Variants in HECW2 observed in about 807,000 individuals in gnomAD.
HECW2 encodes E3 ubiquitin-protein ligase HECW2.
Under a neutral mutation model 175.2 loss-of-function variants are expected in HECW2, and 61 were observed. That is an observed-to-expected ratio of 0.35 (90% CI 0.28 to 0.43). HECW2 has a LOEUF of 0.43. Among genes scored for constraint, HECW2 ranks in the 20% least tolerant of loss-of-function variants. The probability of loss-of-function intolerance (pLI) is 1.00; values close to 1 mark genes in which losing one functional copy is unlikely to be tolerated. For synonymous variants in HECW2, 671 were observed against 731.0 expected (o/e 0.92, Z 1.32); for missense variants, 1,524 against 2,000.5 (o/e 0.76, Z 4.54).
chr2:196,583,642 C>A (rs570753380), intron 1 of HECW2, among the ~76,000 whole-genome samples: 1 of 152,288 alleles, frequency 6.6e-6, no homozygotes, highest in South Asian at 2.1e-4. Flanking sequence ...CAAGACTTGA[C>A]TTTCTGACAT....
chr2:196,309,167 T>C (rs1691384992), intron 10 of HECW2, among the ~76,000 whole-genome samples: 1 of 152,148 alleles, frequency 6.6e-6, no homozygotes, highest in East Asian at 1.9e-4. Flanking sequence ...AGGGTAAGTA[T>C]CCCAACAGAG....
chr2:196,435,252 C>T (rs1695836008), intron 1 of HECW2, among the ~76,000 whole-genome samples: 1 of 152,168 alleles, frequency 6.6e-6, no homozygotes, highest in Admixed American at 6.5e-5. Flanking sequence ...TCTATGGTAA[C>T]TCTGATACCA....
chr2:196,352,811 C>T (rs1385693547), intron 2 of HECW2, among the ~76,000 whole-genome samples: 1 of 152,150 alleles, frequency 6.6e-6, no homozygotes, highest in Non-Finnish European at 1.5e-5. Flanking sequence ...TTACTGACAG[C>T]CCAGTGAGAA....
At chr2:196,525,708 G>A (rs369708935) in intron 1 of HECW2, among the ~76,000 whole-genome samples, 1 of 151,384 alleles carries the variant, frequency 6.6e-6, no homozygotes, top group Non-Finnish European at 1.5e-5. Context: ...GCTTGTCTGT[G>A]AAGTATTTTA....
intron 1 of HECW2, among the ~76,000 whole-genome samples, chr2:196,562,313 G>A (rs1690028949): frequency 6.6e-6 from 1 of 152,120 alleles, no homozygotes; most frequent in Non-Finnish European, 1.5e-5. Flanking sequence ...TACTTTAAAT[G>A]TATAAAGAAG....
At chr2:196,456,208 ACT>A (rs1696507682) in intron 1 of HECW2, among the ~76,000 whole-genome samples, 1 of 152,096 alleles carries the variant, frequency 6.6e-6, no homozygotes, top group African/African-American at 2.4e-5. Context: ...CTATATCAAA[ACT>A]CTACACTAAG....
intron 1 of HECW2, among the ~76,000 whole-genome samples, chr2:196,473,390 G>A (rs551162930): frequency 6.6e-6 from 1 of 152,146 alleles, no homozygotes. Flanking sequence ...TTCCTGCACA[G>A]TGGTATGTCA....
chr2:196,475,743 A>G (rs565197022), intron 1 of HECW2, among the ~76,000 whole-genome samples: 25 of 152,246 alleles, frequency 1.6e-4, no homozygotes, highest in Non-Finnish European at 3.1e-4. Flanking sequence ...TCTGTTGGTT[A>G]TCTGCCCATT....
intron 3 of HECW2, 83 bp from the exon 4 acceptor site, chr2:196,334,601 C>CT: frequency 9.4e-7 from 1 of 1,062,358 alleles, no homozygotes; most frequent in Non-Finnish European, 1.4e-6. Flanking sequence ...ACCATACCAC[C>CT]TCTCAGGGAA....
chr2:196,201,206 T>G lies in HECW2; in HGVS notation c.*71A>C. 1 of 975,996 alleles carries G rather than the reference T, an allele frequency of 1.0e-6. No homozygotes were observed. Among genetic ancestry groups the G allele is most frequent in the Non-Finnish European group, 1.7e-6 (1 of 599,594 alleles). 60.5% of individuals were successfully genotyped at this position (975,996 alleles called of 1,614,324 possible). On this transcript the variant is annotated 3_prime_UTR_variant, in exon 29 of 29. Transcript: ENST00000644978. ...GGAAGCATCCTCTTGAAACTTCCAA[T>G]GTTCAATCATTCTTCTAGAAGGCAG...
intron 1 of HECW2, among the ~76,000 whole-genome samples, chr2:196,446,440 C>T (rs1348429564): frequency 6.6e-6 from 1 of 152,152 alleles, no homozygotes; most frequent in Non-Finnish European, 1.5e-5. Flanking sequence ...CATCTCCTCC[C>T]CCTAGAATGT....
chr2:196,517,787 G>A (rs376727084), intron 1 of HECW2, among the ~76,000 whole-genome samples: 9 of 152,196 alleles, frequency 5.9e-5, no homozygotes, highest in African/African-American at 1.9e-4. Flanking sequence ...AAATTGTTCC[G>A]CTAAATCATG....
chr2:196,225,666 T>C (rs1213429267), intron 23 of HECW2, 106 bp downstream of exon 23: 1 of 682,382 alleles, frequency 1.5e-6, no homozygotes, highest in Non-Finnish European at 2.6e-6. Context: ...AACAACAAAT[T>C]TGAGATTGTG....
intron 10 of HECW2, among the ~76,000 whole-genome samples, chr2:196,313,293 G>A (rs539423791): frequency 2.0e-5 from 3 of 152,252 alleles, no homozygotes; most frequent in South Asian, 4.1e-4. Context: ...TTGTCACACC[G>A]ATAATATTTT....
At chr2:196,570,522 G>C (rs997935567) in intron 1 of HECW2, among the ~76,000 whole-genome samples, 1 of 152,070 alleles carries the variant, frequency 6.6e-6, no homozygotes, top group Admixed American at 6.6e-5. Context: ...GGGACACAGG[G>C]TGGGGAACAT....
chr2:196,569,806 G>A (rs988300264), intron 1 of HECW2, among the ~76,000 whole-genome samples: 1 of 152,236 alleles, frequency 6.6e-6, no homozygotes, highest in African/African-American at 2.4e-5. Flanking sequence ...GTGACCAAAT[G>A]AGAATAACAC....
At chr2:196,485,027 G>C (rs1269596683) in intron 1 of HECW2, among the ~76,000 whole-genome samples, 1 of 152,188 alleles carries the variant, frequency 6.6e-6, no homozygotes, top group Non-Finnish European at 1.5e-5. Context: ...GGGAGAAGAG[G>C]ACAGAGTTAT....
intron 2 of HECW2, among the ~76,000 whole-genome samples, chr2:196,388,422 T>C (rs1204493319): frequency 1.3e-5 from 2 of 152,220 alleles, no homozygotes; most frequent in Non-Finnish European, 2.9e-5. Context: ...GCATGGTTTA[T>C]AGTGCTTTAC....
intron 4 of HECW2, among the ~76,000 whole-genome samples, chr2:196,331,504 C>G (rs1027615151): frequency 6.6e-6 from 1 of 152,180 alleles, no homozygotes; most frequent in African/African-American, 2.4e-5. Context: ...ATGTGCCACC[C>G]CTCAAAACAC....
Sources: allele counts gnomAD v4.1 joint callset (sites outside exome capture counted in the v4.1 genomes callset), GRCh38; gene constraint gnomAD v4.1.1; transcripts MANE v1.5; gene names NCBI Gene and HGNC (gene_info 2026-07-23, HGNC 2026-07-21).